The following AKAP13 variants were observed in gnomAD, a reference collection of about 807,000 sequenced individuals.
AKAP13 encodes A-kinase anchoring protein 13.
AKAP13 carries 80 observed loss-of-function variants against 264.5 expected under a neutral mutation model. The observed-to-expected ratio is 0.30, with a 90% CI of 0.25 to 0.36. The LOEUF is 0.36. Among genes scored for constraint, AKAP13 ranks in the 10% least tolerant of loss-of-function variants. The probability of loss-of-function intolerance (pLI) is 1.00; values close to 1 mark genes in which losing one functional copy is unlikely to be tolerated. For missense variants in AKAP13, 3,712 were observed against 3,435.2 expected (o/e 1.08, Z -2.01); for synonymous variants, 1,380 against 1,250.2 (o/e 1.10, Z -2.19).
intron 8 of AKAP13, among the ~76,000 whole-genome samples, chr15:85,613,688 A>AT: frequency 1.4e-5 from 1 of 69,650 alleles, no homozygotes; most frequent in African/African-American, 5.7e-5. Context: ...CTAAAAAAAA[A>AT]AAAATATATA....
intron 10 of AKAP13, among the ~76,000 whole-genome samples, chr15:85,650,292 A>G (rs986991764): frequency 6.6e-6 from 1 of 151,900 alleles, no homozygotes; most frequent in Admixed American, 6.6e-5. Flanking sequence ...TTAGCCAGGC[A>G]TGGTGGCACA....
intron 2 of AKAP13, among the ~76,000 whole-genome samples, chr15:85,496,647 G>GGCTC (rs1334348538): frequency 6.6e-6 from 1 of 152,174 alleles, no homozygotes; most frequent in Non-Finnish European, 1.5e-5. Flanking sequence ...TTCCACAGCA[G>GGCTC]GCTCTGAAAT....
chr15:85,715,966 G>T (rs749901364), intron 20 of AKAP13, 43 bp downstream of exon 20: 2 of 1,579,756 alleles, frequency 1.3e-6, no homozygotes, highest in South Asian at 2.3e-5. Flanking sequence ...GCATCTAGGT[G>T]ACCAGAGCAT....
intron 5 of AKAP13, among the ~76,000 whole-genome samples, chr15:85,550,536 A>G (rs1274556731): frequency 6.6e-6 from 1 of 152,206 alleles, no homozygotes; most frequent in East Asian, 1.9e-4. Context: ...ATATTTCACA[A>G]TGGAACCAAG....
At chr15:85,437,081 AT>A (rs1246832552) in intron 1 of AKAP13, among the ~76,000 whole-genome samples, 17 of 147,788 alleles carry the variant, frequency 1.2e-4, no homozygotes, top group African/African-American at 4.3e-4. Context: ...AGCAAGACTA[AT>A]AAAGAAAAAA....
At chr15:85,560,258 C>T (rs1022072759) in intron 5 of AKAP13, among the ~76,000 whole-genome samples, 4 of 151,890 alleles carry the variant, frequency 2.6e-5, no homozygotes, top group African/African-American at 4.8e-5. Flanking sequence ...CTTGACCACT[C>T]GCCTCAGCCT....
chr15:85,557,645 T>C (rs370464810), intron 5 of AKAP13, among the ~76,000 whole-genome samples: 1 of 152,116 alleles, frequency 6.6e-6, no homozygotes, highest in Non-Finnish European at 1.5e-5. Context: ...TGGCTAACTT[T>C]TGAAAATTTT....
In AKAP13 at chr15:85,745,431, A is replaced by G. The variant is rs2151796598; in HGVS notation, c.*754A>G. 1 of 152,230 alleles carries G rather than the reference A, an allele frequency of 6.6e-6. No individual in the cohort carries two copies. The highest frequency in any genetic ancestry group is 2.4e-5 in the African/African-American group (1 of 41,556). 9.4% of individuals were successfully genotyped at this position (152,230 alleles called of 1,614,324 possible). On this transcript the variant is annotated 3_prime_UTR_variant, in exon 37 of 37. Coordinates refer to ENST00000394518, the MANE Select transcript of AKAP13 (RefSeq NM_007200.5). ...GCACTAAAGCAACAAAACAACCCAT[A>G]GTATCTCATTCTGTCATCAGATCCA... is the stretch of plus-strand genomic sequence containing the variant.
At chr15:85,628,986 A>C (rs906218283) in intron 8 of AKAP13, among the ~76,000 whole-genome samples, 27 of 152,254 alleles carry the variant, frequency 1.8e-4, no homozygotes, top group African/African-American at 6.5e-4. Flanking sequence ...TGAGGCTTGG[A>C]GTTCAAGACC....
intron 8 of AKAP13, among the ~76,000 whole-genome samples, chr15:85,611,066 G>A (rs544545428): frequency 6.6e-6 from 1 of 150,596 alleles, no homozygotes; most frequent in Non-Finnish European, 1.5e-5. Flanking sequence ...CTACAACTAC[G>A]CCAGAACTAC....
chr15:85,547,020 G>A (rs760018990), intron 5 of AKAP13, among the ~76,000 whole-genome samples: 8 of 152,158 alleles, frequency 5.3e-5, no homozygotes, highest in Non-Finnish European at 1.2e-4. Context: ...GGGATTACAG[G>A]CGTGAGCCAC....
chr15:85,714,456 T>C (rs1451535864), intron 19 of AKAP13, among the ~76,000 whole-genome samples: 3 of 152,202 alleles, frequency 2.0e-5, no homozygotes, highest in African/African-American at 7.2e-5. Flanking sequence ...TTTCCTCATC[T>C]GTAAATTAAA....
At chr15:85,525,075 T>TG (rs2076980276) in intron 3 of AKAP13, among the ~76,000 whole-genome samples, 1 of 150,438 alleles carries the variant, frequency 6.6e-6, no homozygotes, top group South Asian at 2.1e-4. Flanking sequence ...TTTTTTTTTT[T>TG]TGAGATGGAG....
chr15:85,711,752 G>A (rs2086642693), intron 19 of AKAP13, among the ~76,000 whole-genome samples: 1 of 152,204 alleles, frequency 6.6e-6, no homozygotes, highest in South Asian at 2.1e-4. Flanking sequence ...TTTTTTAGAA[G>A]TAAAGATTCT....
chr15:85,557,228 C>T (rs1451229313), intron 5 of AKAP13, among the ~76,000 whole-genome samples: 1 of 152,140 alleles, frequency 6.6e-6, no homozygotes, highest in African/African-American at 2.4e-5. Context: ...CATTTCAGCC[C>T]TTAGCTCTGT....
rs1245630385 is a variant in AKAP13, at chr15:85,432,116, A to G, written c.-12+51318A>G. Among the ~76,000 whole-genome samples, 3 of 152,150 alleles carry G rather than the reference A, an allele frequency of 2.0e-5. No individual in the cohort carries two copies. In the East Asian group the frequency reaches 5.8e-4, roughly 29 times the overall value. On this transcript the variant is annotated intron_variant, in intron 1 of 36. Transcript: ENST00000394518. The stretch of plus-strand genomic sequence containing the variant: ...CTCATTTCTTTTTTTTTAGAAGAAT[A>G]CGTATTTTAGTCTAAGAACAATGGA...
intron 2 of AKAP13, among the ~76,000 whole-genome samples, chr15:85,492,049 A>G (rs149883174): frequency 2.6e-5 from 4 of 152,330 alleles, no homozygotes; most frequent in South Asian, 4.1e-4. Context: ...TCATTCTTCT[A>G]TATACCAAGA....
chr15:85,717,512 C>T (rs939844045), intron 21 of AKAP13, 110 bp downstream of exon 21: 139 of 746,420 alleles, frequency 1.9e-4, no homozygotes, highest in African/African-American at 3.8e-4. Context: ...TTCTGTATCC[C>T]GTGAAGATTC....
chr15:85,689,455 C>T (rs1176443713), intron 16 of AKAP13, among the ~76,000 whole-genome samples: 1 of 152,094 alleles, frequency 6.6e-6, no homozygotes, highest in Non-Finnish European at 1.5e-5. Context: ...GAAGAATCAC[C>T]TTTGATAGTG....
Sources: gnomAD v4.1 joint callset for allele counts (sites outside exome capture counted in the v4.1 genomes callset) on GRCh38, gnomAD v4.1.1 for gene constraint, MANE v1.5 for transcripts, NCBI Gene and HGNC (gene_info 2026-07-23, HGNC 2026-07-21) for gene names.